The following MSH6 variants were observed in gnomAD, a reference collection of about 807,000 sequenced individuals.
MSH6 encodes DNA mismatch repair protein Msh6.
MSH6 carries 85 observed loss-of-function variants against 119.1 expected under a neutral mutation model. The observed-to-expected ratio is 0.71, with a 90% CI of 0.60 to 0.85. MSH6 has a LOEUF of 0.85. Among genes scored for constraint, MSH6 ranks in the 40% least tolerant of loss-of-function variants. The pLI is 0.00. For synonymous variants in MSH6, 830 were observed against 586.9 expected, an observed-to-expected ratio of 1.41 and a Z score of -5.99; for missense variants, 2,163 against 1,655.3, an observed-to-expected ratio of 1.31 and a Z score of -5.32.
At chr2:47,802,219 G>A (rs1400207115) in intron 4 of MSH6, among the ~76,000 whole-genome samples, 1 of 152,200 alleles carries the variant, frequency 6.6e-6, no homozygotes, top group Non-Finnish European at 1.5e-5. Context: ...AAAGCCCTGA[G>A]TTAGGAATTT....
rs1669441430 is a variant in MSH6 at position 47,800,249 on chromosome 2, G to C, written c.2266G>C (p.Gly756Arg). The C allele has an allele frequency of 1.9e-6, 3 of 1,614,100 alleles. No individual in the cohort carries two copies. Among genetic ancestry groups the C allele is most frequent in the Non-Finnish European group, 2.5e-6 (3 of 1,179,976 alleles). ...FLNGTNGSTE[G>R]TLLERVDTCH... is the part of the protein sequence containing the mutation. Reference sequence around the variant, plus strand: ...GAATGGAACAAATGGTTCTACTGAAGGAACCCTACTAGAGAGGGTTGATAC... The same window carrying C: ...GAATGGAACAAATGGTTCTACTGAACGAACCCTACTAGAGAGGGTTGATAC... Residue 756 changes from glycine (G) to arginine (R), a missense_variant, in exon 4 of 10, where the codon GGA becomes CGA. By Grantham distance (125) the Gly-to-Arg change is moderately radical. Coordinates refer to ENST00000234420, the MANE Select transcript of MSH6 (RefSeq NM_000179.3).
chr2:47,804,596 A>G (rs1669840501), intron 5 of MSH6, among the ~76,000 whole-genome samples: 1 of 151,354 alleles, frequency 6.6e-6, no homozygotes. Context: ...ATTGGAATTG[A>G]TTCTAGGCAT....
intron 5 of MSH6, 42 bp downstream of exon 5, chr2:47,803,727 G>A (rs1216565189): frequency 1.2e-6 from 2 of 1,611,384 alleles, no homozygotes; most frequent in African/African-American, 2.7e-5. Flanking sequence ...AGTCATTTGT[G>A]ACATTAGGAA....
intron 5 of MSH6, among the ~76,000 whole-genome samples, chr2:47,804,673 G>A (rs1669846862): frequency 1.3e-5 from 2 of 152,172 alleles, no homozygotes. Flanking sequence ...CTAGGGTAGT[G>A]GGTTGGTAAG....
At chr2:47,790,848 A>G (rs2104095187) in intron 1 of MSH6, 79 bp from the exon 2 acceptor site, 1 of 1,266,802 alleles carries the variant, frequency 7.9e-7, no homozygotes, top group African/African-American at 1.5e-5. Context: ...AAGACTTGGA[A>G]TTGTTTATTT....
At chr2:47,807,081 C>CTGTT (rs1366489404), downstream of MSH6, 8 of 537,840 alleles carry the variant, frequency 1.5e-5, no homozygotes, top group Admixed American at 3.3e-5. Context: ...CACTTTCAGG[C>CTGTT]TGTTTTATAC....
rs560110301 is a variant in MSH6, at chr2:47,788,246, C to CTTT, written c.261-2657_261-2655dup. On this transcript the variant is annotated intron_variant, in intron 1 of 9. Coordinates refer to ENST00000234420, the MANE Select transcript of MSH6 (RefSeq NM_000179.3). ...ATTTCTTTTCTTTCATTCTTTCTTT[C>CTTT]TTTTTTTTTTTTTTTTTTTTTTTTT... 1.9e-3 allele frequency among the ~76,000 whole-genome samples: 174 copies of CTTT among 90,066 alleles called. 4 individuals are homozygous for CTTT. Among genetic ancestry groups the CTTT allele is most frequent in the African/African-American group, 2.9e-3 (61 of 20,714 alleles). 59.1% of individuals were successfully genotyped at this position (90,066 alleles called of 152,430 possible).
downstream of MSH6, chr2:47,809,800 TAGAAGTAC>T: frequency 1.3e-6 from 1 of 759,486 alleles, no homozygotes; most frequent in Non-Finnish European, 2.2e-6. Flanking sequence ...GCTTCTTTTA[TAGAAGTAC>T]ATTAACCCTC....
intron 1 of MSH6, chr2:47,783,805 C>T (rs1024454801): frequency 3.6e-5 from 20 of 562,162 alleles, no homozygotes; most frequent in Non-Finnish European, 4.4e-5. Context: ...AAGGAAGGGG[C>T]GACGCGCGCA....
intron 3 of MSH6, among the ~76,000 whole-genome samples, chr2:47,796,651 T>C (rs1165860406): frequency 1.3e-5 from 2 of 152,210 alleles, no homozygotes; most frequent in Non-Finnish European, 2.9e-5. Context: ...TTAATGGTCA[T>C]GGATAAAGTG....
Position 47,786,613 on chromosome 2 carries a change from C to T in MSH6, c.260+3120C>T, listed in dbSNP as rs6734214. On this transcript the variant is annotated intron_variant, in intron 1 of 9. Transcript: ENST00000234420. ...CCTCCCAAAGTGTTGGGATTACAGGCGTGAACCACCGCACCTGGCCGTGAG... is the reference window on the plus strand; with the variant it reads ...CCTCCCAAAGTGTTGGGATTACAGGTGTGAACCACCGCACCTGGCCGTGAG... Among the ~76,000 whole-genome samples, 749 of 152,216 alleles carry T rather than the reference C, an allele frequency of 4.9e-3. 4 individuals are homozygous for T. The highest frequency in any genetic ancestry group is 0.017 in the African/African-American group (718 of 41,524).
intron 1 of MSH6, chr2:47,784,959 G>A (rs1463546883): frequency 6.6e-6 from 1 of 151,748 alleles, no homozygotes; most frequent in Non-Finnish European, 1.5e-5. Context: ...CAAGTAGCTG[G>A]GACTACAGGT....
chr2:47,808,084 T>C, downstream of MSH6: 1 of 1,568,228 alleles, frequency 6.4e-7, no homozygotes, highest in Non-Finnish European at 8.7e-7. Context: ...GTTATGATGT[T>C]ACAATGGCAG....
chr2:47,795,922 A>G lies in MSH6; in HGVS notation c.486A>G (p.Gly162=). 6.2e-7 allele frequency: 1 copy of G among 1,614,124 alleles called. No individual in the cohort carries two copies. The highest frequency in any genetic ancestry group is 8.5e-7 in the Non-Finnish European group (1 of 1,179,998). ...CAAAATCAAAGGAAGCCCAGAAGGGAGGTCATTTTTACAGTGCAAAGCCTG... is the reference window on the plus strand; with the variant it reads ...CAAAATCAAAGGAAGCCCAGAAGGGGGGTCATTTTTACAGTGCAAAGCCTG... ...TGSKSKEAQK[G]GHFYSAKPEI... The change falls in exon 3 of 10, where the codon GGA becomes GGG. Residue 162 remains glycine (G), a synonymous_variant. Coordinates refer to ENST00000234420, the MANE Select transcript of MSH6 (RefSeq NM_000179.3).
At chr2:47,808,663 C>A, downstream of MSH6, 1 of 410,712 alleles carries the variant, frequency 2.4e-6, no homozygotes, top group Non-Finnish European at 4.3e-6. Context: ...CAGTTCTTTC[C>A]ACTTTAAAAG....
downstream of MSH6, chr2:47,809,280 A>G (rs376462156): frequency 7.5e-6 from 11 of 1,462,196 alleles, no homozygotes; most frequent in East Asian, 2.5e-4. Flanking sequence ...TAATAAAAGA[A>G]AGAATAAGTA....
rs1558394580 is a variant in MSH6 at position 47,806,627 on chromosome 2, T to TGAATCAGTCACTACGATTATTTCG, written c.3979_4001+1dup. The TGAATCAGTCACTACGATTATTTCG allele has an allele frequency of 1.2e-6, 2 of 1,611,804 alleles. No individual in the cohort carries two copies. The highest frequency in any genetic ancestry group is 3.3e-5 in the Admixed American group (2 of 59,954). On this transcript the variant is annotated inframe_insertion, in exon 9 of 10. Coordinates refer to ENST00000234420, the MANE Select transcript of MSH6 (RefSeq NM_000179.3). Reference sequence around the variant, plus strand: ...AGAAAAGCAAGAGAATTTGAGAAGATGAATCAGTCACTACGATTATTTCGG... The same window carrying TGAATCAGTCACTACGATTATTTCG: ...AGAAAAGCAAGAGAATTTGAGAAGATGAATCAGTCACTACGATTATTTCGGAATCAGTCACTACGATTATTTCGG...
intron 4 of MSH6, among the ~76,000 whole-genome samples, chr2:47,802,665 G>T: frequency 6.8e-6 from 1 of 146,092 alleles, no homozygotes; most frequent in East Asian, 2.0e-4. Context: ...TTTAAATAAT[G>T]GTAGTTTACT....
chr2:47,803,410 C>G lies in MSH6; in HGVS notation c.3173-10C>G, dbSNP rs587780559. 3 of 1,614,154 alleles carry G rather than the reference C, an allele frequency of 1.9e-6. No homozygotes were observed. The highest frequency in any genetic ancestry group is 1.1e-5 in the South Asian group (1 of 91,086). On this transcript the variant is annotated splice_polypyrimidine_tract_variant and intron_variant, in intron 4 of 9. Transcript: ENST00000234420. The stretch of plus-strand genomic sequence containing the variant: ...CGATGAAGCCTCACTTTTACCCTCT[C>G]TTTTAACAGATGTTTTACTGTGCCT...
Sources: gnomAD v4.1 joint callset for allele counts (sites outside exome capture counted in the v4.1 genomes callset) on GRCh38, gnomAD v4.1.1 for gene constraint, MANE v1.5 for transcripts, NCBI Gene and HGNC (gene_info 2026-07-23, HGNC 2026-07-21) for gene names.